Variants in UBR3 observed in about 807,000 individuals in gnomAD.
UBR3 encodes the protein ubiquitin protein ligase E3 component n-recognin 3.
In UBR3, 85 loss-of-function variants were observed where a neutral mutation model predicts 243.2. The ratio of observed to expected loss-of-function variants is 0.35; its 90% CI spans 0.29 to 0.42. The LOEUF is 0.42. Among genes scored for constraint, UBR3 ranks in the 10% least tolerant of loss-of-function variants. UBR3 has a pLI of 1.00. For synonymous variants in UBR3, 748 were observed against 799.8 expected (o/e 0.94, Z 1.09); for missense variants, 1,686 against 2,300.8 (o/e 0.73, Z 5.47).
chr2:169,999,633 T>A (rs2089619975), intron 26 of UBR3, among the ~76,000 whole-genome samples: 1 of 152,204 alleles, frequency 6.6e-6, no homozygotes, highest in East Asian at 1.9e-4. Context: ...CCCATCTATT[T>A]ACTACAGATT....
At position 169,864,558 on chromosome 2, in the gene UBR3, G is replaced by GT. The variant is rs551120692; in HGVS notation, c.546-7675dup. ...GCAGGCAGATCACTTGAGGTCAGGA[G>GT]TTTGAGACCAGCCTGGCCAACATGG... On this transcript the variant is annotated intron_variant, in intron 1 of 38. Coordinates refer to ENST00000272793, the MANE Select transcript of UBR3 (RefSeq NM_172070.4). Among the ~76,000 whole-genome samples, 315 of 152,002 alleles carry GT rather than the reference G, an allele frequency of 2.1e-3. 3 individuals carry two copies. The highest frequency in any genetic ancestry group is 7.3e-3 in the African/African-American group (303 of 41,466).
chr2:169,836,035 C>A (rs1396001125), intron 1 of UBR3, among the ~76,000 whole-genome samples: 31 of 16,260 alleles, frequency 1.9e-3, no homozygotes, highest in African/African-American at 5.0e-3. Flanking sequence ...CTCTCTCTCT[C>A]TCTCTCTCTA....
intron 27 of UBR3, among the ~76,000 whole-genome samples, chr2:170,003,864 T>C (rs1457001268): frequency 1.3e-5 from 2 of 152,142 alleles, no homozygotes. Context: ...ATGGTCTCGA[T>C]CTCCTGACCT....
chr2:170,015,094 A>G (rs1318181304), intron 29 of UBR3, 187 bp from the exon 30 acceptor site: 2 of 501,466 alleles, frequency 4.0e-6, no homozygotes, highest in African/African-American at 1.9e-5. Flanking sequence ...GTAAGGATGG[A>G]TAAATTGTTC....
chr2:169,882,602 A>C (rs1162762337), intron 5 of UBR3, among the ~76,000 whole-genome samples: 3 of 151,412 alleles, frequency 2.0e-5, no homozygotes. Flanking sequence ...TTAGCTGAAC[A>C]TGCTGGCACA....
At chr2:169,912,765 AC>A (rs148047925) in intron 10 of UBR3, among the ~76,000 whole-genome samples, 8,225 of 151,852 alleles carry the variant, frequency 0.054, 397 homozygotes, top group African/African-American at 0.13. Flanking sequence ...TATTTAACTT[AC>A]CAAAGAACTG....
chr2:169,882,974 C>A (rs151333276), intron 5 of UBR3, among the ~76,000 whole-genome samples: 87 of 152,248 alleles, frequency 5.7e-4, no homozygotes, highest in Middle Eastern at 3.4e-3. Flanking sequence ...GGCACTAGTT[C>A]TTCTATCTGC....
chr2:169,851,702 A>G (rs986044713), intron 1 of UBR3, among the ~76,000 whole-genome samples: 3 of 151,950 alleles, frequency 2.0e-5, no homozygotes, highest in African/African-American at 4.8e-5. Flanking sequence ...TGTCTCTACT[A>G]AAAATACAAA....
Position 169,839,297 on chromosome 2 carries a change from CAT to C in UBR3, c.545+11246_545+11247del, listed in dbSNP as rs199923055. 7.9e-3 allele frequency among the ~76,000 whole-genome samples: 1,199 copies of C among 152,222 alleles called. 12 individuals carry two copies. Among genetic ancestry groups the C allele is most frequent in the African/African-American group, 0.026 (1,072 of 41,528 alleles). On this transcript the variant is annotated intron_variant, in intron 1 of 38. Transcript: ENST00000272793. ...AAGACAAATATCACATGTTCTCACTCATGTGTGGGAGTTAAAAAAGTGGATCT... is the reference window on the plus strand; with the variant it reads ...AAGACAAATATCACATGTTCTCACTCGTGTGGGAGTTAAAAAAGTGGATCT...
At chr2:169,905,380 A>G (rs2084975148) in intron 9 of UBR3, 87 bp downstream of exon 9, 1 of 988,028 alleles carries the variant, frequency 1.0e-6, no homozygotes, top group Non-Finnish European at 1.4e-6. Context: ...ACAATAGCAC[A>G]TCATTCACGC....
chr2:169,992,618 A>C (rs1449613242), intron 25 of UBR3, among the ~76,000 whole-genome samples: 1 of 152,184 alleles, frequency 6.6e-6, no homozygotes, highest in Non-Finnish European at 1.5e-5. Context: ...GCTGTTATAA[A>C]TCCTTGCAAA....
chr2:169,905,769 T>A (rs1574167564), intron 9 of UBR3, among the ~76,000 whole-genome samples: 1 of 152,206 alleles, frequency 6.6e-6, no homozygotes, highest in Non-Finnish European at 1.5e-5. Flanking sequence ...TCAATTAAAA[T>A]TTTTTTGACT....
chr2:169,904,751 C>A (rs1378202955), intron 8 of UBR3, among the ~76,000 whole-genome samples: 1 of 151,762 alleles, frequency 6.6e-6, no homozygotes, highest in African/African-American at 2.4e-5. Context: ...TTATTGATTT[C>A]AACAGAAAAT....
intron 35 of UBR3, among the ~76,000 whole-genome samples, chr2:170,069,817 TC>T (rs199650299): frequency 6.6e-6 from 1 of 150,832 alleles, no homozygotes; most frequent in African/African-American, 2.4e-5. Flanking sequence ...GGGGATTTGT[TC>T]CCCCCCCAGA....
At chr2:169,838,634 A>C (rs1285500020) in intron 1 of UBR3, among the ~76,000 whole-genome samples, 1 of 152,184 alleles carries the variant, frequency 6.6e-6, no homozygotes, top group Non-Finnish European at 1.5e-5. Flanking sequence ...TGTAGGGGAC[A>C]CACGTTCAGA....
intron 31 of UBR3, among the ~76,000 whole-genome samples, chr2:170,038,170 G>A (rs1194705505): frequency 6.6e-6 from 1 of 152,018 alleles, no homozygotes; most frequent in Non-Finnish European, 1.5e-5. Context: ...CAATTTGTTG[G>A]TCTGTAGGTT....
At chr2:170,018,477 A>G (rs184733081) in intron 30 of UBR3, among the ~76,000 whole-genome samples, 141 of 152,238 alleles carry the variant, frequency 9.3e-4, no homozygotes, top group Non-Finnish European at 1.0e-4. Context: ...GGCATTCAGG[A>G]CCATGTATTC....
chr2:170,082,037 G>A lies in UBR3; in HGVS notation c.*194G>A. 2.5e-6 allele frequency: 1 copy of A among 395,256 alleles called. No individual in the cohort carries two copies. The highest frequency in any genetic ancestry group is 3.8e-5 in the East Asian group (1 of 26,364). The allele number at this position is 395,256 out of a possible 1,614,324, so 24.5% of individuals were successfully genotyped here. A position where few individuals can be genotyped will look rare whatever the true frequency, so the allele number is the denominator to read the frequency against. ...TAATTTTTTTTTTTTAATATCTGGAGAACATTAATAACAAGTTAAATTATT... is the reference window on the plus strand; with the variant it reads ...TAATTTTTTTTTTTTAATATCTGGAAAACATTAATAACAAGTTAAATTATT... On this transcript the variant is annotated 3_prime_UTR_variant, in exon 39 of 39. Transcript: ENST00000272793.
At chr2:169,990,743 A>ACACACACACACACACACACG in intron 25 of UBR3, among the ~76,000 whole-genome samples, 1 of 148,568 alleles carries the variant, frequency 6.7e-6, no homozygotes, top group South Asian at 2.1e-4. Context: ...ACACACACAC[A>ACACACACACACACACACACG]CACACATAAA....
Sources: gnomAD v4.1 joint callset for allele counts (sites outside exome capture counted in the v4.1 genomes callset) on GRCh38, gnomAD v4.1.1 for gene constraint, MANE v1.5 for transcripts, NCBI Gene and HGNC (gene_info 2026-07-23, HGNC 2026-07-21) for gene names.